The following CCSER1 variants were observed in gnomAD, a reference collection of about 807,000 sequenced individuals.
CCSER1 encodes serine-rich coiled-coil domain-containing protein 1.
CCSER1 carries 41 observed loss-of-function variants against 82.0 expected under a neutral mutation model. That is an observed-to-expected ratio of 0.50 (90% CI 0.39 to 0.65). The LOEUF (loss-of-function observed/expected upper bound fraction) is 0.65. Among genes scored for constraint, CCSER1 ranks in the 30% least tolerant of loss-of-function variants. CCSER1 has a pLI of 0.00. For missense variants in CCSER1, 1,119 were observed against 1,064.2 expected (o/e 1.05, Z -0.72); for synonymous variants, 414 against 383.9 (o/e 1.08, Z -0.92).
chr4:91,496,484 T>C (rs1758814154), intron 10 of CCSER1, among the ~76,000 whole-genome samples: 1 of 145,802 alleles, frequency 6.9e-6, no homozygotes, highest in East Asian at 2.0e-4. Context: ...TGATCTACTG[T>C]ATGTTTTATG....
chr4:91,349,421 A>G (rs866995676), intron 10 of CCSER1, among the ~76,000 whole-genome samples: 40 of 64,552 alleles, frequency 6.2e-4, no homozygotes, highest in Admixed American at 3.7e-3. Flanking sequence ...TATTCTCCTG[A>G]TGTAATGGTT....
chr4:91,142,883 T>C (rs975611530), intron 10 of CCSER1, among the ~76,000 whole-genome samples: 3 of 152,096 alleles, frequency 2.0e-5, no homozygotes, highest in Admixed American at 2.0e-4. Flanking sequence ...TTACTGTAAC[T>C]TTGTAGGGTA....
At chr4:91,093,560 G>C (rs1724193729) in intron 10 of CCSER1, among the ~76,000 whole-genome samples, 1 of 152,198 alleles carries the variant, frequency 6.6e-6, no homozygotes, top group Admixed American at 6.5e-5. Context: ...TGCTTCTTAT[G>C]CTAACAGGAC....
intron 1 of CCSER1, among the ~76,000 whole-genome samples, chr4:90,257,463 A>C (rs573852725): frequency 1.3e-5 from 2 of 152,124 alleles, no homozygotes; most frequent in Non-Finnish European, 2.9e-5. Flanking sequence ...AAAAGAGATT[A>C]ATTATGGTCT....
chr4:91,035,740 C>A (rs2150565607), intron 9 of CCSER1, among the ~76,000 whole-genome samples: 1 of 152,214 alleles, frequency 6.6e-6, no homozygotes, highest in Middle Eastern at 3.4e-3. Flanking sequence ...TATACTTGAT[C>A]TTAGCCAAAA....
At chr4:91,245,656 C>T (rs1478117833) in intron 10 of CCSER1, among the ~76,000 whole-genome samples, 1 of 152,074 alleles carries the variant, frequency 6.6e-6, no homozygotes, top group Non-Finnish European at 1.5e-5. Context: ...GGGAGTATTT[C>T]AATCTGAAAG....
Position 90,930,246 on chromosome 4 carries a change from A to AT in CCSER1, c.2172+6804dup, listed in dbSNP as rs1450375095. On this transcript the variant is annotated intron_variant, in intron 9 of 10. Coordinates refer to ENST00000509176, the MANE Select transcript of CCSER1 (RefSeq NM_001145065.2). ...AAATTTAATTTCAAATTTTTCTAAT[A>AT]TTTTTCCTAGACTGCCTTAGGAGTC... Among the ~76,000 whole-genome samples, 4 of 152,028 alleles carry AT rather than the reference A, an allele frequency of 2.6e-5. No individual in the cohort carries two copies. In the East Asian group the frequency reaches 7.7e-4, roughly 29 times the overall value.
intron 5 of CCSER1, among the ~76,000 whole-genome samples, chr4:90,475,094 C>A (rs1170986089): frequency 1.3e-5 from 2 of 152,126 alleles, no homozygotes; most frequent in Non-Finnish European, 2.9e-5. Flanking sequence ...AAATTCCTGT[C>A]TGAATCATTG....
At chr4:90,258,065 T>C (rs1723669571) in intron 1 of CCSER1, among the ~76,000 whole-genome samples, 1 of 152,188 alleles carries the variant, frequency 6.6e-6, no homozygotes, top group Non-Finnish European at 1.5e-5. Flanking sequence ...TTTTCCTAGC[T>C]GTTAACTCCA....
intron 5 of CCSER1, among the ~76,000 whole-genome samples, chr4:90,562,753 G>A (rs1778924961): frequency 1.3e-5 from 2 of 150,526 alleles, no homozygotes; most frequent in East Asian, 2.0e-4. Context: ...CCCCACGCTC[G>A]TCTCAAACTC....
chr4:90,727,815 A>G (rs534599814), intron 7 of CCSER1, among the ~76,000 whole-genome samples: 3 of 152,262 alleles, frequency 2.0e-5, no homozygotes, highest in South Asian at 2.1e-4. Flanking sequence ...TTGTACTTCA[A>G]TGAAGCATGA....
At chr4:91,040,281 C>A (rs1417255755) in intron 9 of CCSER1, among the ~76,000 whole-genome samples, 1 of 151,860 alleles carries the variant, frequency 6.6e-6, no homozygotes, top group East Asian at 1.9e-4. Flanking sequence ...TTATCCTGGC[C>A]CTTTAATTTA....
chr4:91,188,857 T>C (rs1734780215), intron 10 of CCSER1, among the ~76,000 whole-genome samples: 1 of 152,094 alleles, frequency 6.6e-6, no homozygotes, highest in African/African-American at 2.4e-5. Context: ...CCATAATTAT[T>C]AAGATTGTGA....
At chr4:91,537,992 T>A (rs1560746890) in intron 10 of CCSER1, among the ~76,000 whole-genome samples, 1 of 152,092 alleles carries the variant, frequency 6.6e-6, no homozygotes, top group Non-Finnish European at 1.5e-5. Flanking sequence ...ACTGTTAGGA[T>A]GAATTGGTTA....
chr4:91,547,091 C>T (rs893728188), intron 10 of CCSER1, among the ~76,000 whole-genome samples: 3 of 149,378 alleles, frequency 2.0e-5, no homozygotes, highest in Non-Finnish European at 4.4e-5. Context: ...AGAACTTAGT[C>T]TGGGAGTAGA....
At chr4:90,357,475 G>T (rs1322106800) in intron 3 of CCSER1, among the ~76,000 whole-genome samples, 1 of 151,936 alleles carries the variant, frequency 6.6e-6, no homozygotes, top group Non-Finnish European at 1.5e-5. Context: ...GAAATGTTTT[G>T]TGGAGGAACC....
chr4:90,684,054 T>C (rs1734368590), intron 6 of CCSER1, among the ~76,000 whole-genome samples: 2 of 152,164 alleles, frequency 1.3e-5, no homozygotes, highest in Admixed American at 6.6e-5. Flanking sequence ...GTTGATTGAG[T>C]TGTGTTTTGA....
intron 10 of CCSER1, among the ~76,000 whole-genome samples, chr4:91,153,435 T>C (rs554717727): frequency 3.3e-5 from 5 of 152,046 alleles, no homozygotes; most frequent in African/African-American, 1.2e-4. Context: ...TGTTTTTAGC[T>C]TCTTTGCAAT....
chr4:91,224,163 G>T (rs1167807246), intron 10 of CCSER1, among the ~76,000 whole-genome samples: 1 of 151,826 alleles, frequency 6.6e-6, no homozygotes, highest in Admixed American at 6.6e-5. Context: ...ACCTTACTTG[G>T]CTTAGAAAGC....
Sources: gnomAD v4.1 joint callset for allele counts (sites outside exome capture counted in the v4.1 genomes callset) on GRCh38, gnomAD v4.1.1 for gene constraint, MANE v1.5 for transcripts, NCBI Gene and HGNC (gene_info 2026-07-23, HGNC 2026-07-21) for gene names.